The following C8A variants were observed in gnomAD, a reference collection of about 807,000 sequenced individuals.
The protein encoded by C8A is complement C8 alpha chain.
C8A carries 67 observed loss-of-function variants against 65.3 expected under a neutral mutation model. That is an observed-to-expected ratio of 1.03 (90% CI 0.84 to 1.26). The LOEUF (loss-of-function observed/expected upper bound fraction) is 1.26. Ranked by LOEUF, C8A falls within the 50% of genes most tolerant of loss-of-function variation. The pLI is 0.00. For missense variants in C8A, 781 were observed against 723.9 expected (o/e 1.08, Z -0.90); for synonymous variants, 290 against 259.4 (o/e 1.12, Z -1.13).
chr1:56,862,135 A>G (rs1282900644), intron 1 of C8A, among the ~76,000 whole-genome samples: 1 of 152,244 alleles, frequency 6.6e-6, no homozygotes, highest in Non-Finnish European at 1.5e-5. Context: ...TGACAAGGTT[A>G]GAGTGATGCT....
At chr1:56,881,773 AT>A in intron 5 of C8A, 139 bp downstream of exon 5, 1 of 777,730 alleles carries the variant, frequency 1.3e-6, no homozygotes, top group Non-Finnish European at 2.2e-6. Context: ...CTTCATACCC[AT>A]CCCCACACAT....
At chr1:56,877,296 G>T (rs571511381) in intron 4 of C8A, among the ~76,000 whole-genome samples, 13 of 152,132 alleles carry the variant, frequency 8.5e-5, no homozygotes, top group Non-Finnish European at 1.6e-4. Flanking sequence ...GTACACCGAG[G>T]TACCATCTCC....
At chr1:56,905,556 C>T (rs1238438358) in intron 7 of C8A, among the ~76,000 whole-genome samples, 5 of 152,248 alleles carry the variant, frequency 3.3e-5, no homozygotes, top group Non-Finnish European at 5.9e-5. Flanking sequence ...AAGTCCTTGA[C>T]ATCACAGAGT....
intron 2 of C8A, among the ~76,000 whole-genome samples, chr1:56,871,610 G>A (rs1027047302): frequency 3.3e-5 from 5 of 152,148 alleles, no homozygotes; most frequent in African/African-American, 1.2e-4. Flanking sequence ...TACAGTAGGT[G>A]GCAGAGCTGG....
intron 2 of C8A, among the ~76,000 whole-genome samples, chr1:56,868,763 A>T (rs1209009511): frequency 1.3e-5 from 2 of 152,184 alleles, no homozygotes; most frequent in African/African-American, 4.8e-5. Context: ...CTTGTCTATT[A>T]GCACATTACC....
chr1:56,909,080 G>T (rs61350393), intron 9 of C8A, among the ~76,000 whole-genome samples: 3,687 of 152,268 alleles, frequency 0.024, 173 homozygotes, highest in African/African-American at 0.084. Context: ...TGTCAATACT[G>T]CCAAAATTGA....
intron 6 of C8A, among the ~76,000 whole-genome samples, chr1:56,884,925 A>G (rs1312772303): frequency 2.6e-5 from 4 of 152,154 alleles, no homozygotes; most frequent in Non-Finnish European, 5.9e-5. Flanking sequence ...AATAACTTCA[A>G]TTGAATGACA....
intron 10 of C8A, among the ~76,000 whole-genome samples, chr1:56,913,711 G>A (rs1011825070): frequency 2.0e-5 from 3 of 152,156 alleles, no homozygotes; most frequent in African/African-American, 7.2e-5. Flanking sequence ...CCTAATCAAT[G>A]TACACATTAA....
intron 7 of C8A, among the ~76,000 whole-genome samples, chr1:56,901,527 C>A (rs1644425922): frequency 6.6e-6 from 1 of 152,092 alleles, no homozygotes; most frequent in African/African-American, 2.4e-5. Flanking sequence ...ATCCTTTGGG[C>A]TCCTAGCCTG....
intron 7 of C8A, among the ~76,000 whole-genome samples, chr1:56,895,619 T>C (rs571858210): frequency 7.2e-4 from 110 of 152,112 alleles, no homozygotes; most frequent in Non-Finnish European, 1.4e-3. Context: ...AGTATCAAAG[T>C]ATGTCACACA....
intron 8 of C8A, 45 bp from the exon 9 acceptor site, chr1:56,907,911 G>A: frequency 6.2e-7 from 1 of 1,611,994 alleles, no homozygotes; most frequent in Non-Finnish European, 8.5e-7. Context: ...CAGTCCTTGG[G>A]CTTTTTGGGA....
In C8A at chr1:56,879,171, C is replaced by T. The variant is rs1644227720; in HGVS notation, c.465-2274C>T. Among the ~76,000 whole-genome samples the T allele has an allele frequency of 2.6e-5, 4 of 152,020 alleles. No individual in the cohort carries two copies. In the South Asian group the frequency reaches 8.3e-4, roughly 32 times the overall value. On this transcript the variant is annotated intron_variant, in intron 4 of 10. Transcript: ENST00000361249. ...AGCCTAAAGCATTTACTATCTGGCTCTTTATTAAAAAAAAATTTCCAACTC... is the reference window on the plus strand; with the variant it reads ...AGCCTAAAGCATTTACTATCTGGCTTTTTATTAAAAAAAAATTTCCAACTC...
intron 4 of C8A, among the ~76,000 whole-genome samples, chr1:56,878,200 C>G (rs1448068427): frequency 6.6e-6 from 1 of 152,088 alleles, no homozygotes; most frequent in East Asian, 1.9e-4. Flanking sequence ...TGGATAACAG[C>G]CCACCATAAT....
intron 4 of C8A, among the ~76,000 whole-genome samples, chr1:56,880,260 C>T (rs1050249195): frequency 3.9e-5 from 6 of 152,020 alleles, no homozygotes; most frequent in African/African-American, 1.2e-4. Flanking sequence ...CATCCATATC[C>T]TAAAACATGG....
At chr1:56,911,093 A>T (rs1644502207) in intron 9 of C8A, among the ~76,000 whole-genome samples, 1 of 142,392 alleles carries the variant, frequency 7.0e-6, no homozygotes, top group South Asian at 2.2e-4. Flanking sequence ...CTATTATCAC[A>T]TACAACTAAC....
Position 56,874,821 on chromosome 1 carries a change from C to T in C8A, c.172-128C>T. ...TTATGCATATTCATCCCTCAAAAGA[C>T]AGCTTCACAGGCAGGTCTCAATCAT... On this transcript the variant is annotated intron_variant, in intron 2 of 10. Transcript: ENST00000361249. The T allele has an allele frequency of 8.7e-6, 9 of 1,037,708 alleles. No individual in the cohort carries two copies. In the South Asian group the frequency reaches 9.6e-5, roughly 11 times the overall value. 64.3% of individuals were successfully genotyped at this position (1,037,708 alleles called of 1,614,324 possible). A position where few individuals can be genotyped will look rare whatever the true frequency, so the allele number is the denominator to read the frequency against.
chr1:56,903,228 T>G (rs1052706469), intron 7 of C8A, among the ~76,000 whole-genome samples: 4 of 151,974 alleles, frequency 2.6e-5, no homozygotes, highest in Non-Finnish European at 4.4e-5. Flanking sequence ...GGGAGGAATC[T>G]GGTGGGAGGT....
chr1:56,910,487 G>C (rs1644496945), intron 9 of C8A, among the ~76,000 whole-genome samples: 1 of 152,188 alleles, frequency 6.6e-6, no homozygotes, highest in Non-Finnish European at 1.5e-5. Flanking sequence ...GGGAGGGAGA[G>C]ATCTGAGGTG....
At chr1:56,881,668 T>A in intron 5 of C8A, 34 bp downstream of exon 5, 1 of 1,586,440 alleles carries the variant, frequency 6.3e-7, no homozygotes, top group South Asian at 1.1e-5. Flanking sequence ...GAGGCCACTG[T>A]GGTGTAGGTG....
Sources: gnomAD v4.1 joint callset for allele counts (sites outside exome capture counted in the v4.1 genomes callset) on GRCh38, gnomAD v4.1.1 for gene constraint, MANE v1.5 for transcripts, NCBI Gene and HGNC (gene_info 2026-07-23, HGNC 2026-07-21) for gene names.